Variants in CDK6 observed in about 807,000 individuals in gnomAD.
The protein encoded by CDK6 is cyclin-dependent kinase 6.
A neutral mutation model predicts 37.1 loss-of-function variants in CDK6; 6 were observed. The observed-to-expected ratio is 0.16, with a 90% CI of 0.09 to 0.32. The LOEUF (loss-of-function observed/expected upper bound fraction) is 0.32, where lower values mean the gene tolerates loss of function less well. CDK6 is among the 10% of genes least tolerant of loss of function. The probability of loss-of-function intolerance (pLI) is 1.00; values close to 1 mark genes in which losing one functional copy is unlikely to be tolerated. For synonymous variants in CDK6, 160 were observed against 161.3 expected (o/e 0.99, Z 0.06); for missense variants, 224 against 418.9 (o/e 0.53, Z 4.06).
chr7:92,760,407 C>T (rs1799425100), intron 3 of CDK6, among the ~76,000 whole-genome samples: 1 of 152,078 alleles, frequency 6.6e-6, no homozygotes, highest in East Asian at 1.9e-4. Flanking sequence ...AAACCTGTCC[C>T]TTTGTGTTGC....
intron 2 of CDK6, among the ~76,000 whole-genome samples, chr7:92,814,721 A>G (rs912599790): frequency 2.0e-5 from 3 of 152,076 alleles, no homozygotes; most frequent in African/African-American, 7.2e-5. Flanking sequence ...CCACATACAC[A>G]AAAAGGAGAG....
In CDK6 at chr7:92,772,412, T is replaced by C. The variant is rs146225163; in HGVS notation, c.369+2284A>G. Among the ~76,000 whole-genome samples, 377 of 152,094 alleles carry C rather than the reference T, an allele frequency of 2.5e-3. 2 individuals carry two copies. Among genetic ancestry groups the C allele is most frequent in the African/African-American group, 8.8e-3 (366 of 41,514 alleles). On this transcript the variant is annotated intron_variant, in intron 3 of 7. Transcript: ENST00000424848. ...CTTGCCCCCAACTCCACCTCGTATC[T>C]GACAATTTGGATCAAGGGGTGCTGA...
chr7:92,776,942 G>A (rs1014406500), intron 2 of CDK6, among the ~76,000 whole-genome samples: 11 of 152,168 alleles, frequency 7.2e-5, no homozygotes, highest in Middle Eastern at 3.4e-3. Context: ...TTTTGTTGCC[G>A]TTGCTTTTGG....
At chr7:92,672,190 T>TACACAAACAC (rs1273649011) in intron 4 of CDK6, among the ~76,000 whole-genome samples, 9 of 62,776 alleles carry the variant, frequency 1.4e-4, no homozygotes, top group African/African-American at 6.1e-4. Flanking sequence ...CACAGACACA[T>TACACAAACAC]ACACACACAC....
At chr7:92,830,667 G>A (rs1463391801) in intron 2 of CDK6, among the ~76,000 whole-genome samples, 1 of 152,194 alleles carries the variant, frequency 6.6e-6, no homozygotes, top group Non-Finnish European at 1.5e-5. Flanking sequence ...GCAAGTCATG[G>A]GGACCAATGG....
At chr7:92,666,370 G>T (rs1003106511) in intron 5 of CDK6, among the ~76,000 whole-genome samples, 1 of 152,202 alleles carries the variant, frequency 6.6e-6, no homozygotes, top group Non-Finnish European at 1.5e-5. Flanking sequence ...GCATACAACA[G>T]TCACTCCATA....
At chr7:92,819,216 T>C (rs1437411467) in intron 2 of CDK6, among the ~76,000 whole-genome samples, 1 of 152,014 alleles carries the variant, frequency 6.6e-6, no homozygotes, top group African/African-American at 2.4e-5. Flanking sequence ...ATCCATATAA[T>C]GGAAAATGAA....
At chr7:92,681,856 G>A (rs1797344009) in intron 4 of CDK6, among the ~76,000 whole-genome samples, 1 of 152,106 alleles carries the variant, frequency 6.6e-6, no homozygotes, top group African/African-American at 2.4e-5. Flanking sequence ...AATCCATGCT[G>A]TATTCAGAAC....
chr7:92,631,127 CATGAGT>C (rs1324927868), intron 5 of CDK6, among the ~76,000 whole-genome samples: 1 of 152,156 alleles, frequency 6.6e-6, no homozygotes, highest in African/African-American at 2.4e-5. Context: ...GGAATTCGTT[CATGAGT>C]AGGAACCTTA....
At chr7:92,804,008 G>A (rs1403706757) in intron 2 of CDK6, among the ~76,000 whole-genome samples, 1 of 152,150 alleles carries the variant, frequency 6.6e-6, no homozygotes, top group Non-Finnish European at 1.5e-5. Context: ...CTTCTCCACT[G>A]GTTTGTTTCA....
intron 5 of CDK6, among the ~76,000 whole-genome samples, chr7:92,670,158 G>A (rs532740603): frequency 6.6e-6 from 1 of 152,182 alleles, no homozygotes; most frequent in Non-Finnish European, 1.5e-5. Context: ...ACAAATAAAT[G>A]TACCACTCCA....
intron 4 of CDK6, among the ~76,000 whole-genome samples, chr7:92,711,552 ATTTTTTTTTTT>A (rs11285626): frequency 2.5e-4 from 14 of 56,626 alleles, no homozygotes; most frequent in East Asian, 2.3e-3. Context: ...GAATGGTCAA[ATTTTTTTTTTT>A]TTTTTTTTTT....
chr7:92,678,396 A>G (rs1585392227), intron 4 of CDK6, among the ~76,000 whole-genome samples: 1 of 152,250 alleles, frequency 6.6e-6, no homozygotes, highest in East Asian at 1.9e-4. Flanking sequence ...AACAGCCTCT[A>G]GAGGTGCTGA....
chr7:92,672,712 G>A (rs939854173), intron 4 of CDK6, among the ~76,000 whole-genome samples: 33 of 152,038 alleles, frequency 2.2e-4, no homozygotes, highest in African/African-American at 4.3e-4. Context: ...AATCTATTAC[G>A]TCAGAATTTT....
At chr7:92,778,947 AAGATAT>A (rs1799918458) in intron 2 of CDK6, among the ~76,000 whole-genome samples, 2 of 128,890 alleles carry the variant, frequency 1.6e-5, no homozygotes, top group South Asian at 2.5e-4. Flanking sequence ...ATATATATAT[AAGATAT>A]TATAGTAATT....
chr7:92,661,072 G>C, intron 5 of CDK6, among the ~76,000 whole-genome samples: 1 of 152,136 alleles, frequency 6.6e-6, no homozygotes, highest in Non-Finnish European at 1.5e-5. Flanking sequence ...GGACAGGGAG[G>C]CTTTCACGGA....
intron 2 of CDK6, among the ~76,000 whole-genome samples, chr7:92,800,689 C>T (rs911289548): frequency 6.6e-6 from 1 of 152,178 alleles, no homozygotes; most frequent in Admixed American, 6.5e-5. Context: ...ATCTAAGGCA[C>T]TATTTATGAA....
chr7:92,802,650 G>A (rs1322015426), intron 2 of CDK6, among the ~76,000 whole-genome samples: 1 of 152,184 alleles, frequency 6.6e-6, no homozygotes, highest in Non-Finnish European at 1.5e-5. Context: ...CCGTTTAGGA[G>A]TTTACAATAT....
rs567462034 is a variant in CDK6, at chr7:92,757,600, T to C, written c.369+17096A>G. ...TCCATGTCTTTGTTATTATGAATAG[T>C]GCTGCAATGAACATTCACATGCATG... is the stretch of plus-strand genomic sequence containing the variant. On this transcript the variant is annotated intron_variant, in intron 3 of 7. Transcript: ENST00000424848. Among the ~76,000 whole-genome samples the C allele has an allele frequency of 4.6e-5, 7 of 152,366 alleles. No individual in the cohort carries two copies. The South Asian group carries it at 1.4e-3, about 32-fold the overall frequency.
Sources: gnomAD v4.1 joint callset for allele counts (sites outside exome capture counted in the v4.1 genomes callset) on GRCh38, gnomAD v4.1.1 for gene constraint, MANE v1.5 for transcripts, NCBI Gene and HGNC (gene_info 2026-07-23, HGNC 2026-07-21) for gene names.